Variants in HCN1 observed in about 807,000 individuals in gnomAD.
The protein encoded by HCN1 is potassium/sodium hyperpolarization-activated cyclic nucleotide-gated channel 1.
HCN1 carries 13 observed loss-of-function variants against 78.9 expected under a neutral mutation model. The observed-to-expected ratio is 0.16, with a 90% CI of 0.11 to 0.26. HCN1 has a LOEUF of 0.26. Among genes scored for constraint, HCN1 ranks in the 10% least tolerant of loss-of-function variants. The pLI, the probability that HCN1 is intolerant of heterozygous loss-of-function variation, is 1.00. For missense variants in HCN1, 810 were observed against 1,154.3 expected, an observed-to-expected ratio of 0.70 and a Z score of 4.32; for synonymous variants, 552 against 455.5, an observed-to-expected ratio of 1.21 and a Z score of -2.70.
intron 7 of HCN1, among the ~76,000 whole-genome samples, chr5:45,266,755 C>T (rs113284977): frequency 0.011 from 1,588 of 150,032 alleles, 24 homozygotes; most frequent in African/African-American, 0.035. Context: ...CTCTCCCAGA[C>T]GGGAGTGCAG....
At chr5:45,573,562 G>A (rs1222369471) in intron 2 of HCN1, among the ~76,000 whole-genome samples, 1 of 151,862 alleles carries the variant, frequency 6.6e-6, no homozygotes, top group Non-Finnish European at 1.5e-5. Flanking sequence ...CCTTTGGTCA[G>A]TGAACCAAAA....
intron 1 of HCN1, among the ~76,000 whole-genome samples, chr5:45,684,137 C>CTT (rs1271808837): frequency 6.6e-6 from 1 of 152,122 alleles, no homozygotes; most frequent in African/African-American, 2.4e-5. Context: ...AACTACAAAT[C>CTT]TTTGAAATTA....
At chr5:45,584,774 C>T (rs1744171266) in intron 2 of HCN1, among the ~76,000 whole-genome samples, 1 of 152,124 alleles carries the variant, frequency 6.6e-6, no homozygotes, top group Non-Finnish European at 1.5e-5. Context: ...GATTTTATTT[C>T]TCCTTCACTT....
chr5:45,352,398 T>C (rs1579833782), intron 5 of HCN1, among the ~76,000 whole-genome samples: 1 of 151,480 alleles, frequency 6.6e-6, no homozygotes, highest in African/African-American at 2.4e-5. Context: ...GGGGGAGGGA[T>C]AGCATTAGGA....
chr5:45,348,375 A>C (rs1412907778), intron 5 of HCN1, among the ~76,000 whole-genome samples: 1 of 151,860 alleles, frequency 6.6e-6, no homozygotes. Flanking sequence ...AGCACTAAAC[A>C]TGGAAAGGAA....
intron 2 of HCN1, chr5:45,558,177 T>A (rs1743515066): frequency 6.6e-6 from 1 of 151,930 alleles, no homozygotes; most frequent in African/African-American, 2.4e-5. Context: ...ACAGTCATAT[T>A]TCTGATATGG....
intron 2 of HCN1, among the ~76,000 whole-genome samples, chr5:45,530,414 A>T (rs59224347): frequency 8.1e-5 from 12 of 148,958 alleles, no homozygotes; most frequent in South Asian, 4.2e-4. Context: ...TTGTGTTTTT[A>T]TATATATATA....
At chr5:45,409,446 G>C (rs977144296) in intron 3 of HCN1, among the ~76,000 whole-genome samples, 1 of 151,992 alleles carries the variant, frequency 6.6e-6, no homozygotes, top group Non-Finnish European at 1.5e-5. Flanking sequence ...AGCAGCTTAC[G>C]TAGTAATTGG....
intron 5 of HCN1, among the ~76,000 whole-genome samples, chr5:45,314,098 A>C (rs1353934214): frequency 6.6e-6 from 1 of 152,166 alleles, no homozygotes; most frequent in Non-Finnish European, 1.5e-5. Context: ...AAAAAATGGT[A>C]AGGGCAGCCA....
chr5:45,374,769 AAT>A (rs34778089), intron 4 of HCN1, among the ~76,000 whole-genome samples: 105,812 of 142,982 alleles, frequency 0.74, 39,892 homozygotes, highest in Non-Finnish European at 0.8. Flanking sequence ...AAATACTATG[AAT>A]ATATATATAT....
chr5:45,362,651 A>T (rs1426817859), intron 4 of HCN1, among the ~76,000 whole-genome samples: 1 of 152,122 alleles, frequency 6.6e-6, no homozygotes, highest in Non-Finnish European at 1.5e-5. Flanking sequence ...AATCCTCATA[A>T]CAACAGTGTG....
intron 4 of HCN1, among the ~76,000 whole-genome samples, chr5:45,359,959 ATT>A (rs1005978209): frequency 2.0e-5 from 3 of 149,426 alleles, no homozygotes; most frequent in African/African-American, 7.4e-5. Context: ...ATATATATAT[ATT>A]TTTTTTACCT....
chr5:45,656,214 G>A (rs867087673), intron 1 of HCN1, among the ~76,000 whole-genome samples: 2 of 152,104 alleles, frequency 1.3e-5, no homozygotes, highest in South Asian at 2.1e-4. Flanking sequence ...TTTAAAGACA[G>A]CATTTGCTAA....
intron 6 of HCN1, among the ~76,000 whole-genome samples, chr5:45,292,773 G>C (rs1745406468): frequency 6.6e-6 from 1 of 151,910 alleles, no homozygotes; most frequent in South Asian, 2.1e-4. Flanking sequence ...AAGATTAAGA[G>C]CAGTGACAAA....
chr5:45,637,435 C>T (rs1018000845), intron 2 of HCN1, among the ~76,000 whole-genome samples: 1 of 151,608 alleles, frequency 6.6e-6, no homozygotes, highest in African/African-American at 2.4e-5. Context: ...GTTATTTCCC[C>T]GACACTATGC....
chr5:45,273,317 G>C (rs1399107145), intron 6 of HCN1, among the ~76,000 whole-genome samples: 2 of 151,738 alleles, frequency 1.3e-5, no homozygotes, highest in Non-Finnish European at 2.9e-5. Context: ...ATTTGGCCTA[G>C]CACATTATTT....
chr5:45,420,592 G>A (rs540613347), intron 3 of HCN1, among the ~76,000 whole-genome samples: 22 of 152,228 alleles, frequency 1.4e-4, no homozygotes, highest in South Asian at 2.1e-4. Flanking sequence ...TGCCAGCCTT[G>A]GGTGGTCTTT....
intron 1 of HCN1, among the ~76,000 whole-genome samples, chr5:45,650,490 T>C (rs1745655142): frequency 6.6e-6 from 1 of 151,930 alleles, no homozygotes; most frequent in African/African-American, 2.4e-5. Flanking sequence ...TTCTCTGAAA[T>C]ACCAGCAAAG....
In HCN1 at chr5:45,262,934, T is replaced by C. The variant is rs1181728366; in HGVS notation, c.1784-124A>G. ...TCACAGGAGAGGCTTAAAAAGCCAG[T>C]CACTCACCTTTACACACCAAATACC... On this transcript the variant is annotated intron_variant, in intron 7 of 7. Transcript: ENST00000303230. 11 of 994,326 alleles carry C rather than the reference T, an allele frequency of 1.1e-5. No individual in the cohort carries two copies. The South Asian group carries it at 1.2e-4, about 11-fold the overall frequency. 61.6% of individuals were successfully genotyped at this position (994,326 alleles called of 1,614,324 possible). A position where few individuals can be genotyped will look rare whatever the true frequency, so the allele number is the denominator to read the frequency against.
Sources: gnomAD v4.1 joint callset for allele counts (sites outside exome capture counted in the v4.1 genomes callset) on GRCh38, gnomAD v4.1.1 for gene constraint, MANE v1.5 for transcripts, NCBI Gene and HGNC (gene_info 2026-07-23, HGNC 2026-07-21) for gene names.